The following PPP2R3A variants were observed in gnomAD, a reference collection of about 807,000 sequenced individuals.
PPP2R3A encodes the protein protein phosphatase 2 regulatory subunit B''alpha.
In PPP2R3A, 80 loss-of-function variants were observed where a neutral mutation model predicts 106.9. The ratio of observed to expected loss-of-function variants is 0.75; its 90% CI spans 0.62 to 0.90. PPP2R3A has a LOEUF of 0.90. Among genes scored for constraint, PPP2R3A ranks in the 40% least tolerant of loss-of-function variants. The pLI, the probability that PPP2R3A is intolerant of heterozygous loss-of-function variation, is 0.00. For synonymous variants in PPP2R3A, 483 were observed against 468.3 expected (o/e 1.03, Z -0.41); for missense variants, 1,386 against 1,350.4 (o/e 1.03, Z -0.41).
At chr3:136,112,320 A>ATCAAAATAGGAAGAGAGAAAG (rs1937605194) in intron 13 of PPP2R3A, among the ~76,000 whole-genome samples, 1 of 152,152 alleles carries the variant, frequency 6.6e-6, no homozygotes, top group South Asian at 2.1e-4. Flanking sequence ...AAGAAAACTC[A>ATCAAAATAGGAAGAGAGAAAG]TCAAAATAGG....
intron 1 of PPP2R3A, among the ~76,000 whole-genome samples, chr3:135,998,167 C>T (rs575157112): frequency 1.3e-5 from 2 of 152,310 alleles, no homozygotes; most frequent in African/African-American, 4.8e-5. Flanking sequence ...ATTCACTGTG[C>T]AGTGTTCTGC....
chr3:135,978,408 A>G (rs1937479110), intron 1 of PPP2R3A, among the ~76,000 whole-genome samples: 1 of 151,850 alleles, frequency 6.6e-6, no homozygotes, highest in Non-Finnish European at 1.5e-5. Flanking sequence ...GTGGTATTAA[A>G]TAATTAGGAA....
intron 13 of PPP2R3A, among the ~76,000 whole-genome samples, chr3:136,111,652 T>TA (rs202202333): frequency 1.8e-3 from 253 of 143,314 alleles, no homozygotes; most frequent in Middle Eastern, 7.1e-3. Flanking sequence ...GATCAGTAAT[T>TA]AAAAAAAAAA....
At chr3:136,045,000 A>G (rs979790093) in intron 4 of PPP2R3A, among the ~76,000 whole-genome samples, 1 of 152,164 alleles carries the variant, frequency 6.6e-6, no homozygotes, top group Admixed American at 6.5e-5. Context: ...AAACACAACC[A>G]TAGGCACCTA....
At chr3:136,112,992 G>T (rs563859795) in intron 13 of PPP2R3A, among the ~76,000 whole-genome samples, 1 of 152,194 alleles carries the variant, frequency 6.6e-6, no homozygotes, top group South Asian at 2.1e-4. Context: ...AATGAGCCAG[G>T]TGTGGTGGCA....
Position 136,139,769 on chromosome 3 carries a change from C to T in PPP2R3A, c.3330-5274C>T, listed in dbSNP as rs143807442. Among the ~76,000 whole-genome samples the T allele has an allele frequency of 7.4e-3, 1,124 of 151,100 alleles. 17 individuals are homozygous for T. The highest frequency in any genetic ancestry group is 0.026 in the African/African-American group (1,057 of 41,126). On this transcript the variant is annotated intron_variant, in intron 13 of 13. Coordinates refer to ENST00000264977, the MANE Select transcript of PPP2R3A (RefSeq NM_002718.5). The stretch of plus-strand genomic sequence containing the variant: ...CTGTAATCCCAACATTTTTGGAGGC[C>T]GAGGCAGGCGGATCACCTGAGGTTG...
intron 5 of PPP2R3A, among the ~76,000 whole-genome samples, chr3:136,069,433 C>G (rs1474982268): frequency 5.3e-5 from 8 of 151,982 alleles, no homozygotes; most frequent in African/African-American, 1.7e-4. Context: ...AAAAATTAAC[C>G]TGGTGTGGTG....
intron 1 of PPP2R3A, among the ~76,000 whole-genome samples, chr3:135,995,284 A>T (rs1424106763): frequency 6.6e-6 from 1 of 152,150 alleles, no homozygotes; most frequent in East Asian, 1.9e-4. Context: ...ACTATAACAG[A>T]TGTTTAGACT....
chr3:135,973,438 C>T (rs552924258), intron 1 of PPP2R3A, among the ~76,000 whole-genome samples: 3 of 152,296 alleles, frequency 2.0e-5, no homozygotes, highest in African/African-American at 7.2e-5. Context: ...CATAGTGAAT[C>T]ACGACGTAAC....
intron 13 of PPP2R3A, among the ~76,000 whole-genome samples, chr3:136,107,682 A>G (rs1201656062): frequency 6.6e-6 from 1 of 152,100 alleles, no homozygotes; most frequent in African/African-American, 2.4e-5. Flanking sequence ...GCTTTCTTTC[A>G]CTGAGAGATT....
Position 136,002,398 on chromosome 3 carries a change from GAAT to G in PPP2R3A, c.904_906del (p.Asn302del). ...TACCATTTGAATTCATGCAGTCTGGGAATAATGAGGCTCTAGATTTAACAGAAC... is the reference window on the plus strand; with the variant it reads ...TACCATTTGAATTCATGCAGTCTGGGAATGAGGCTCTAGATTTAACAGAAC... On this transcript the variant is annotated inframe_deletion, in exon 2 of 14. Transcript: ENST00000264977. The G allele has an allele frequency of 6.2e-7, 1 of 1,613,958 alleles. No individual in the cohort carries two copies. Among genetic ancestry groups the G allele is most frequent in the Non-Finnish European group, 8.5e-7 (1 of 1,179,946 alleles).
At chr3:135,973,527 C>T (rs1374034986) in intron 1 of PPP2R3A, among the ~76,000 whole-genome samples, 1 of 152,118 alleles carries the variant, frequency 6.6e-6, no homozygotes, top group East Asian at 1.9e-4. Context: ...GGAGAGATTG[C>T]AGCTATCCAG....
chr3:136,136,066 AAAAAAAATT>A (rs1265888064), intron 13 of PPP2R3A, among the ~76,000 whole-genome samples: 630 of 34,210 alleles, frequency 0.018, 23 homozygotes, highest in African/African-American at 0.028. Flanking sequence ...AAAAAAAAAA[AAAAAAAATT>A]ATATATATAT....
chr3:136,037,307 C>T (rs761371755), intron 3 of PPP2R3A, among the ~76,000 whole-genome samples: 7 of 152,106 alleles, frequency 4.6e-5, no homozygotes, highest in African/African-American at 7.2e-5. Flanking sequence ...GTAGTTTGTA[C>T]GTTTTTCCAC....
At chr3:136,104,804 T>G (rs1937474677) in intron 12 of PPP2R3A, among the ~76,000 whole-genome samples, 1 of 152,234 alleles carries the variant, frequency 6.6e-6, no homozygotes, top group Admixed American at 6.5e-5. Flanking sequence ...AGGGCAATAC[T>G]AACTCATGTT....
intron 13 of PPP2R3A, among the ~76,000 whole-genome samples, chr3:136,135,613 C>T (rs562701922): frequency 5.9e-5 from 9 of 152,176 alleles, no homozygotes; most frequent in Non-Finnish European, 1.2e-4. Flanking sequence ...GGGCAGGTTA[C>T]TTGACTCCTG....
intron 13 of PPP2R3A, among the ~76,000 whole-genome samples, chr3:136,115,048 G>T (rs1937691497): frequency 6.6e-6 from 1 of 152,170 alleles, no homozygotes; most frequent in Non-Finnish European, 1.5e-5. Flanking sequence ...TGTCCATCTG[G>T]GACGAAGCTT....
rs73222223 is a variant in PPP2R3A at position 136,062,311 on chromosome 3, A to G, written c.2470-8167A>G. 5.8e-3 allele frequency among the ~76,000 whole-genome samples: 890 copies of G among 152,352 alleles called. 2 individuals carry two copies. The highest frequency in any genetic ancestry group is 1.0e-2 in the Non-Finnish European group (679 of 68,034). On this transcript the variant is annotated intron_variant, in intron 5 of 13. Coordinates refer to ENST00000264977, the MANE Select transcript of PPP2R3A (RefSeq NM_002718.5). Reference sequence around the variant, plus strand: ...CAGAGAAGTAATGAAGGGCAGCATCAGGATAACTGAAGAGCAGCCAGTTCA... The same window carrying G: ...CAGAGAAGTAATGAAGGGCAGCATCGGGATAACTGAAGAGCAGCCAGTTCA...
intron 8 of PPP2R3A, among the ~76,000 whole-genome samples, chr3:136,084,597 A>G (rs1936872968): frequency 6.6e-6 from 1 of 152,212 alleles, no homozygotes; most frequent in Non-Finnish European, 1.5e-5. Flanking sequence ...CCAGAATGGT[A>G]GATCCACCAA....
Sources: allele counts gnomAD v4.1 joint callset (sites outside exome capture counted in the v4.1 genomes callset), GRCh38; gene constraint gnomAD v4.1.1; transcripts MANE v1.5; gene names NCBI Gene and HGNC (gene_info 2026-07-23, HGNC 2026-07-21).